SGCZ: variants seen among roughly 807,000 people sequenced by gnomAD.
The protein encoded by SGCZ is zeta-sarcoglycan.
SGCZ carries 40 observed loss-of-function variants against 41.3 expected under a neutral mutation model. The observed-to-expected ratio is 0.97, with a 90% CI of 0.75 to 1.26. The LOEUF (loss-of-function observed/expected upper bound fraction) is 1.26, where lower values mean the gene tolerates loss of function less well. SGCZ is among the 50% of genes most tolerant of loss of function. The pLI, the probability that SGCZ is intolerant of heterozygous loss-of-function variation, is 0.00. For missense variants in SGCZ, 552 were observed against 369.8 expected (o/e 1.49, Z -4.04); for synonymous variants, 206 against 137.5 (o/e 1.50, Z -3.49).
chr8:14,430,318 C>T (rs1160182521), intron 2 of SGCZ, among the ~76,000 whole-genome samples: 1 of 152,088 alleles, frequency 6.6e-6, no homozygotes, highest in African/African-American at 2.4e-5. Context: ...CTTCCTGTAT[C>T]CAACAACATA....
chr8:14,601,613 T>C (rs768957347), intron 1 of SGCZ, among the ~76,000 whole-genome samples: 1 of 152,204 alleles, frequency 6.6e-6, no homozygotes, highest in East Asian at 1.9e-4. Flanking sequence ...TGGTATTTGA[T>C]TGTTTACAAA....
At chr8:14,459,283 G>A (rs1006525169) in intron 2 of SGCZ, among the ~76,000 whole-genome samples, 2 of 152,004 alleles carry the variant, frequency 1.3e-5, no homozygotes, top group Non-Finnish European at 2.9e-5. Context: ...AGGGGGATGG[G>A]GGAGGGATAG....
chr8:15,157,993 G>T (rs1466955254), intron 1 of SGCZ, among the ~76,000 whole-genome samples: 1 of 152,060 alleles, frequency 6.6e-6, no homozygotes, highest in Non-Finnish European at 1.5e-5. Context: ...CCTCACTTTT[G>T]TTTTGCTGTT....
intron 1 of SGCZ, among the ~76,000 whole-genome samples, chr8:15,076,082 T>C (rs998006926): frequency 5.3e-5 from 8 of 152,188 alleles, no homozygotes; most frequent in African/African-American, 1.4e-4. Flanking sequence ...GGACATATAA[T>C]AGATACCTTT....
At chr8:14,644,763 C>A (rs555422971) in intron 1 of SGCZ, among the ~76,000 whole-genome samples, 1 of 151,616 alleles carries the variant, frequency 6.6e-6, no homozygotes, top group African/African-American at 2.4e-5. Context: ...GTACTTCTTA[C>A]GTAGCTAACA....
In SGCZ at chr8:14,613,918, C is replaced by A. The variant is rs7011191; in HGVS notation, c.40-58992G>T. The stretch of plus-strand genomic sequence containing the variant: ...CAAAAAAAAATCAAAATCTAGCAGA[C>A]GTTATCTTGCCATGAAACAATTGAG... On this transcript the variant is annotated intron_variant, in intron 1 of 7. Coordinates refer to ENST00000382080, the MANE Select transcript of SGCZ (RefSeq NM_139167.4). Among the ~76,000 whole-genome samples, 9 of 152,150 alleles carry A rather than the reference C, an allele frequency of 5.9e-5. 1 individual carries two copies. In the East Asian group the frequency reaches 1.7e-3, roughly 29 times the overall value.
chr8:14,309,486 T>C (rs1801456509), intron 3 of SGCZ: 3 of 1,607,888 alleles, frequency 1.9e-6, no homozygotes, highest in Non-Finnish European at 1.7e-6. Flanking sequence ...GTTGTTAATG[T>C]TAGAGCTAAT....
At chr8:14,181,974 C>T (rs1014764044) in intron 4 of SGCZ, among the ~76,000 whole-genome samples, 2 of 152,130 alleles carry the variant, frequency 1.3e-5, no homozygotes, top group African/African-American at 4.8e-5. Context: ...GACTCATTCT[C>T]AAATTGGTTA....
At chr8:15,192,308 A>G (rs1173703171) in intron 1 of SGCZ, among the ~76,000 whole-genome samples, 1 of 152,076 alleles carries the variant, frequency 6.6e-6, no homozygotes, top group Non-Finnish European at 1.5e-5. Flanking sequence ...TGTTTTGATG[A>G]GTAATGTGGG....
intron 1 of SGCZ, among the ~76,000 whole-genome samples, chr8:15,051,587 A>G (rs897987792): frequency 1.3e-5 from 2 of 152,138 alleles, no homozygotes; most frequent in African/African-American, 2.4e-5. Context: ...AGATACTGAC[A>G]GAGTTTTCCA....
At chr8:14,419,188 C>G (rs1216514794) in intron 2 of SGCZ, among the ~76,000 whole-genome samples, 5 of 151,866 alleles carry the variant, frequency 3.3e-5, no homozygotes, top group African/African-American at 1.2e-4. Flanking sequence ...TTACCCTACT[C>G]AATTCAGAAG....
At chr8:14,514,667 A>G (rs1802559896) in intron 2 of SGCZ, among the ~76,000 whole-genome samples, 1 of 148,056 alleles carries the variant, frequency 6.8e-6, no homozygotes, top group Non-Finnish European at 1.5e-5. Flanking sequence ...TTACATATAT[A>G]TGTAAATATA....
chr8:15,135,725 T>C (rs1305771215), intron 1 of SGCZ, among the ~76,000 whole-genome samples: 4 of 151,836 alleles, frequency 2.6e-5, no homozygotes, highest in Non-Finnish European at 5.9e-5. Flanking sequence ...GCCCCAGAAC[T>C]GGGGCTTGGC....
chr8:14,210,948 C>T (rs1805784869), intron 4 of SGCZ, among the ~76,000 whole-genome samples: 1 of 152,132 alleles, frequency 6.6e-6, no homozygotes, highest in South Asian at 2.1e-4. Flanking sequence ...TTCTTGATTG[C>T]ATTTGGCAAG....
chr8:15,044,212 T>A (rs959649674), intron 1 of SGCZ, among the ~76,000 whole-genome samples: 10 of 152,270 alleles, frequency 6.6e-5, no homozygotes, highest in African/African-American at 2.2e-4. Context: ...CTACAAAACC[T>A]CACACTGCAC....
At chr8:14,375,842 CA>C (rs1004538114) in intron 2 of SGCZ, among the ~76,000 whole-genome samples, 1 of 151,676 alleles carries the variant, frequency 6.6e-6, no homozygotes, top group Non-Finnish European at 1.5e-5. Context: ...CAATGGAATC[CA>C]AAACAAAGGA....
chr8:14,468,837 T>A (rs991181273), intron 2 of SGCZ, among the ~76,000 whole-genome samples: 14 of 152,092 alleles, frequency 9.2e-5, no homozygotes, highest in Admixed American at 7.2e-4. Flanking sequence ...TAACCTCAGA[T>A]AAATCAAGCT....
In SGCZ at chr8:14,086,203, A is replaced by G. The variant is rs1366631025; in HGVS notation, c.*4240T>C. Among the ~76,000 whole-genome samples, 6 of 151,700 alleles carry G rather than the reference A, an allele frequency of 4.0e-5. No homozygotes were observed. Among genetic ancestry groups the G allele is most frequent in the Admixed American group, 6.6e-5 (1 of 15,184 alleles). The stretch of plus-strand genomic sequence containing the variant: ...CAAGACCTCACTCATATAAAACTCA[A>G]ATATGAATTTGGCTTTGAGGATTTT... On this transcript the variant is annotated 3_prime_UTR_variant, in exon 8 of 8. Transcript: ENST00000382080.
chr8:14,676,858 T>A (rs1268829825), intron 1 of SGCZ, among the ~76,000 whole-genome samples: 1 of 152,130 alleles, frequency 6.6e-6, no homozygotes, highest in Non-Finnish European at 1.5e-5. Flanking sequence ...GCTAACACCA[T>A]ACTTAACGGC....
Sources: allele counts gnomAD v4.1 joint callset (sites outside exome capture counted in the v4.1 genomes callset), GRCh38; gene constraint gnomAD v4.1.1; transcripts MANE v1.5; gene names NCBI Gene and HGNC (gene_info 2026-07-23, HGNC 2026-07-21).